The following PLPPR4 variants were observed in gnomAD, a reference collection of about 807,000 sequenced individuals.
PLPPR4 encodes phospholipid phosphatase related 4, also known as phospholipid phosphatase-related protein type 4.
A neutral mutation model predicts 56.6 loss-of-function variants in PLPPR4; 24 were observed. The ratio of observed to expected loss-of-function variants is 0.42; its 90% CI spans 0.31 to 0.60. The LOEUF (loss-of-function observed/expected upper bound fraction) is 0.60. PLPPR4 is among the 20% of genes least tolerant of loss of function. The probability of loss-of-function intolerance (pLI) is 0.13; values close to 1 mark genes in which losing one functional copy is unlikely to be tolerated. For synonymous variants in PLPPR4, 326 were observed against 328.1 expected (o/e 0.99, Z 0.07); for missense variants, 654 against 885.8 (o/e 0.74, Z 3.32).
At position 99,305,715 on chromosome 1, in the gene PLPPR4, A is replaced by G; in HGVS notation, c.853A>G (p.Ser285Gly). The change falls in exon 7 of 7, where the codon AGT becomes GGT. Residue 285 changes from serine (S) to glycine (G), a missense_variant. Around this residue, in one of 2 missense-constraint regions of PLPPR4, gnomAD observed 468 missense variants for 554.3 expected, o/e 0.84. Transcript: ENST00000370185. Reference protein sequence around the residue: ...GLYAVGNFLPSDESMFQHRDA... With the variant: ...GLYAVGNFLPGDESMFQHRDA... ...GTATGCTGTGGGGAATTTCCTGCCC[A>G]GTGATGAGAGTATGTTTCAGCACAG... is the stretch of plus-strand genomic sequence containing the variant. The G allele has an allele frequency of 6.2e-7, 1 of 1,613,816 alleles. No individual in the cohort carries two copies. Among genetic ancestry groups the G allele is most frequent in the Non-Finnish European group, 8.5e-7 (1 of 1,179,912 alleles).
chr1:99,278,784 G>A (rs1251973964), intron 1 of PLPPR4, among the ~76,000 whole-genome samples: 3 of 152,028 alleles, frequency 2.0e-5, no homozygotes, highest in African/African-American at 4.8e-5. Context: ...TGATTGCATT[G>A]GTCCTTTTAG....
chr1:99,266,332 T>C (rs868421098), intron 1 of PLPPR4, among the ~76,000 whole-genome samples: 2 of 152,240 alleles, frequency 1.3e-5, no homozygotes, highest in African/African-American at 4.8e-5. Context: ...AGAAGCTGAC[T>C]ACATGTGGGT....
At chr1:99,272,218 T>A (rs1031661140) in intron 1 of PLPPR4, among the ~76,000 whole-genome samples, 21 of 152,112 alleles carry the variant, frequency 1.4e-4, no homozygotes, top group Admixed American at 1.3e-3. Flanking sequence ...AATTATGCGA[T>A]CCAAGAACAT....
chr1:99,287,940 G>A, intron 1 of PLPPR4, 25 bp from the exon 2 acceptor site: 1 of 1,588,644 alleles, frequency 6.3e-7, no homozygotes. Context: ...AGAATAAATT[G>A]ATCTTCTTTG....
At chr1:99,304,541 T>A (rs566341616) in intron 6 of PLPPR4, among the ~76,000 whole-genome samples, 8 of 152,086 alleles carry the variant, frequency 5.3e-5, no homozygotes, top group Non-Finnish European at 1.2e-4. Context: ...AGAACATGAG[T>A]TAGGGATTGC....
intron 1 of PLPPR4, among the ~76,000 whole-genome samples, chr1:99,267,758 T>A (rs1192936875): frequency 2.6e-5 from 4 of 152,212 alleles, no homozygotes; most frequent in Admixed American, 2.0e-4. Context: ...TCTCCCCAAT[T>A]TCTAGAAATA....
Position 99,306,673 on chromosome 1 carries a change from C to CTGAAA in PLPPR4, c.1812_1816dup (p.Lys606MetfsTer25). The CTGAAA allele has an allele frequency of 6.2e-7, 1 of 1,614,058 alleles. No homozygotes were observed. The highest frequency in any genetic ancestry group is 8.5e-7 in the Non-Finnish European group (1 of 1,179,994). The stretch of plus-strand genomic sequence containing the variant: ...AGTGGCTCCTGGAAGTGGAAAGCCC[C>CTGAAA]TGAAAAGGGCAGCCTTCGCCAAACT... On this transcript the variant is annotated frameshift_variant, in exon 7 of 7. Transcript: ENST00000370185. LOFTEE classifies it high-confidence loss of function. This position sits in a 1 kb window ranked among gnomAD's most constrained non-coding sequence, Gnocchi z 4.0.
chr1:99,264,477 C>T, upstream of PLPPR4: 1 of 1,524,264 alleles, frequency 6.6e-7, no homozygotes, highest in Non-Finnish European at 8.8e-7. Context: ...CAGCGGTGGC[C>T]GCGGGGAATG....
At position 99,309,040 on chromosome 1, in the gene PLPPR4, T is replaced by G. The variant is rs41285718; in HGVS notation, c.*2030T>G. On this transcript the variant is annotated 3_prime_UTR_variant, in exon 7 of 7. Coordinates refer to ENST00000370185, the MANE Select transcript of PLPPR4 (RefSeq NM_014839.5). ...GTACTTCTCTAGTCATTGAAGTTTTTTTTTCTTTACATAAATATTGATATA... is the reference window on the plus strand; with the variant it reads ...GTACTTCTCTAGTCATTGAAGTTTTGTTTTCTTTACATAAATATTGATATA... 2.3e-3 allele frequency: 354 copies of G among 152,754 alleles called. No homozygotes were observed. The highest frequency in any genetic ancestry group is 3.1e-3 in the Non-Finnish European group (212 of 68,028). 9.5% of individuals were successfully genotyped at this position (152,754 alleles called of 1,614,324 possible).
chr1:99,302,453 C>T (rs74444505), intron 6 of PLPPR4, among the ~76,000 whole-genome samples: 2,984 of 151,732 alleles, frequency 0.02, 90 homozygotes, highest in African/African-American at 0.069. Flanking sequence ...ATATCTATTC[C>T]GTGCCAGGGA....
Position 99,300,919 on chromosome 1 carries a change from C to T in PLPPR4, c.601C>T (p.Pro201Ser). 6.2e-7 allele frequency: 1 copy of T among 1,612,216 alleles called. No individual in the cohort carries two copies. Among genetic ancestry groups the T allele is most frequent in the Middle Eastern group, 1.7e-4 (1 of 6,050 alleles). The change falls in exon 5 of 7, where the codon CCT becomes TCT. Residue 201 changes from proline to serine, a missense_variant. Pro to Ser is a moderately conservative substitution (Grantham distance 74). Around this residue, in one of 2 missense-constraint regions of PLPPR4, gnomAD observed 186 missense variants for 331.4 expected, o/e 0.56. Transcript: ENST00000370185. ...TVINSGRKSF[P>S]SQHATLAAFA... ...ATCTTCTTTTGGCAGAAAGTCCTTC[C>T]CTTCTCAACATGCAACCCTTGCTGC...
At chr1:99,292,665 T>C (rs1557779708) in intron 2 of PLPPR4, among the ~76,000 whole-genome samples, 1 of 152,250 alleles carries the variant, frequency 6.6e-6, no homozygotes, top group Non-Finnish European at 1.5e-5. Context: ...ACTGGTTTTA[T>C]AGGTTTTAGG....
Position 99,265,742 on chromosome 1 carries a change from A to C in PLPPR4, c.78+1071A>C, listed in dbSNP as rs561741450. Among the ~76,000 whole-genome samples the C allele has an allele frequency of 3.9e-5, 6 of 152,320 alleles. No individual in the cohort carries two copies. In the South Asian group the frequency reaches 8.3e-4, roughly 21 times the overall value. Reference sequence around the variant, plus strand: ...TAGCCCTTCGAAGTGCAAACAGTAGATTCTGTATTCAATGATTGTAAGGCT... The same window carrying C: ...TAGCCCTTCGAAGTGCAAACAGTAGCTTCTGTATTCAATGATTGTAAGGCT... On this transcript the variant is annotated intron_variant, in intron 1 of 6. Coordinates refer to ENST00000370185, the MANE Select transcript of PLPPR4 (RefSeq NM_014839.5).
Position 99,308,805 on chromosome 1 carries a change from G to T in PLPPR4, c.*1795G>T, listed in dbSNP as rs919740250. 6.6e-6 allele frequency: 1 copy of T among 152,554 alleles called. No homozygotes were observed. Among genetic ancestry groups the T allele is most frequent in the East Asian group, 1.9e-4 (1 of 5,204 alleles). 9.5% of individuals were successfully genotyped at this position (152,554 alleles called of 1,614,324 possible). ...TCTGGCAATTTCCTTCTCAGAGAGG[G>T]GAGTGGGAATAAAATGTTGCCTTCC... On this transcript the variant is annotated 3_prime_UTR_variant, in exon 7 of 7. Coordinates refer to ENST00000370185, the MANE Select transcript of PLPPR4 (RefSeq NM_014839.5).
chr1:99,296,245 ATAAT>A (rs1226857971), intron 2 of PLPPR4, among the ~76,000 whole-genome samples: 1 of 152,194 alleles, frequency 6.6e-6, no homozygotes, highest in Non-Finnish European at 1.5e-5. Context: ...TAATTTTTAA[ATAAT>A]TAATACAATG....
intron 1 of PLPPR4, among the ~76,000 whole-genome samples, chr1:99,285,857 G>A (rs1198891508): frequency 6.6e-6 from 1 of 152,096 alleles, no homozygotes; most frequent in Non-Finnish European, 1.5e-5. Flanking sequence ...TGAGTGTTAT[G>A]TAAGTCCACA....
chr1:99,307,962 C>A lies in PLPPR4; in HGVS notation c.*952C>A, dbSNP rs1660078307. ...TTTTAAAAGCAAAAATAACAATTGA[C>A]ATTCCTTGAGCAAAATATACTGCTG... On this transcript the variant is annotated 3_prime_UTR_variant, in exon 7 of 7. Transcript: ENST00000370185. 1 of 152,140 alleles carries A rather than the reference C, an allele frequency of 6.6e-6. No homozygotes were observed. The highest frequency in any genetic ancestry group is 2.1e-4 in the South Asian group (1 of 4,832). The allele number at this position is 152,140 out of a possible 1,614,324, so 9.4% of individuals were successfully genotyped here. A position where few individuals can be genotyped will look rare whatever the true frequency, so the allele number is the denominator to read the frequency against.
At chr1:99,267,042 A>C (rs1357765546) in intron 1 of PLPPR4, among the ~76,000 whole-genome samples, 1 of 152,240 alleles carries the variant, frequency 6.6e-6, no homozygotes, top group Non-Finnish European at 1.5e-5. Context: ...ACATGAGTGA[A>C]TCTCCTTCCA....
intron 2 of PLPPR4, among the ~76,000 whole-genome samples, chr1:99,292,965 T>C (rs1659659313): frequency 6.6e-6 from 1 of 152,170 alleles, no homozygotes; most frequent in South Asian, 2.1e-4. Flanking sequence ...CTCTAATTTC[T>C]GACTTCAAGG....
Sources: gnomAD v4.1 joint callset for allele counts (sites outside exome capture counted in the v4.1 genomes callset) on GRCh38, gnomAD v4.1.1 for gene constraint, gnomAD v4.1.1 regional missense constraint, Gnocchi (gnomAD v3.1) non-coding constraint, MANE v1.5 for transcripts, NCBI Gene and HGNC (gene_info 2026-07-23, HGNC 2026-07-21) for gene names.